The following VPS13A variants were observed in gnomAD, a reference collection of about 807,000 sequenced individuals.
VPS13A encodes intermembrane lipid transfer protein VPS13A.
A neutral mutation model predicts 390.9 loss-of-function variants in VPS13A; 264 were observed. The observed-to-expected ratio is 0.68, with a 90% CI of 0.61 to 0.75. The LOEUF is 0.75. Among genes scored for constraint, VPS13A ranks in the 30% least tolerant of loss-of-function variants. The pLI is 0.00. For synonymous variants in VPS13A, 1,231 were observed against 1,227.1 expected, an observed-to-expected ratio of 1.00 and a Z score of -0.07; for missense variants, 3,409 against 3,733.9, an observed-to-expected ratio of 0.91 and a Z score of 2.27.
At chr9:77,394,524 C>T (rs1834045035) in intron 68 of VPS13A, among the ~76,000 whole-genome samples, 1 of 152,124 alleles carries the variant, frequency 6.6e-6, no homozygotes, top group Non-Finnish European at 1.5e-5. Context: ...AGCAAAACAG[C>T]AAGACCATGT....
chr9:77,348,473 T>G (rs1831283732), intron 52 of VPS13A, among the ~76,000 whole-genome samples: 1 of 152,102 alleles, frequency 6.6e-6, no homozygotes, highest in Non-Finnish European at 1.5e-5. Flanking sequence ...GGGGGCATGG[T>G]GGCAGGGAGA....
chr9:77,306,632 T>C (rs1828769592), intron 34 of VPS13A, among the ~76,000 whole-genome samples: 2 of 152,050 alleles, frequency 1.3e-5, no homozygotes, highest in Non-Finnish European at 2.9e-5. Context: ...GAGGTCAGTC[T>C]TTTTTTATTG....
intron 1 of VPS13A, among the ~76,000 whole-genome samples, chr9:77,194,144 G>C (rs545726933): frequency 1.2e-4 from 18 of 152,214 alleles, no homozygotes; most frequent in African/African-American, 4.3e-4. Flanking sequence ...GGGAGGCTGT[G>C]GGTGACGGTG....
At chr9:77,237,876 G>A in intron 17 of VPS13A, 126 bp from the exon 18 acceptor site, 1 of 674,162 alleles carries the variant, frequency 1.5e-6, no homozygotes, top group Non-Finnish European at 2.6e-6. Flanking sequence ...CTTCTTTGAT[G>A]GGAATGGACT....
chr9:77,321,315 C>G lies in VPS13A; in HGVS notation c.5562C>G (p.Asn1854Lys). 2 of 1,605,866 alleles carry G rather than the reference C, an allele frequency of 1.2e-6. No homozygotes were observed. The highest frequency in any genetic ancestry group is 1.7e-6 in the Non-Finnish European group (2 of 1,174,462). Residue 1854 changes from asparagine (N) to lysine (K), a missense_variant, in exon 43 of 72, where the codon AAC (asparagine) becomes AAG (lysine). This residue lies in a region of VPS13A where 2,717 missense variants were observed against 2,917.4 expected (regional missense o/e 0.93). Transcript: ENST00000360280. ...TLSKCGLVML[N>K]NLVKAFTEAA... The stretch of plus-strand genomic sequence containing the variant: ...CCAAATGTGGTCTTGTAATGTTAAA[C>G]AATTTAGTCAAGGTAAGAAAAGAAA...
intron 1 of VPS13A, among the ~76,000 whole-genome samples, chr9:77,198,844 G>A (rs1026413148): frequency 6.6e-6 from 1 of 152,052 alleles, no homozygotes; most frequent in African/African-American, 2.4e-5. Context: ...TGTACTTTTA[G>A]TAGAGATGGG....
intron 71 of VPS13A, among the ~76,000 whole-genome samples, chr9:77,409,279 C>T (rs1388933498): frequency 6.6e-6 from 1 of 152,122 alleles, no homozygotes; most frequent in Non-Finnish European, 1.5e-5. Context: ...AAAGGACATC[C>T]ACACCAAAGC....
In VPS13A at chr9:77,327,633, A is replaced by ATATTAT. The variant is rs563581300; in HGVS notation, c.5992-4361_5992-4356dup. On this transcript the variant is annotated intron_variant, in intron 45 of 71. Coordinates refer to ENST00000360280, the MANE Select transcript of VPS13A (RefSeq NM_033305.3). Reference sequence around the variant, plus strand: ...AATATGAGTATTTGGAGGTTTTCTGATATTATTATTATTATTATTATATAT... The same window carrying ATATTAT: ...AATATGAGTATTTGGAGGTTTTCTGATATTATTATTATTATTATTATTATTATATAT... 2.7e-3 allele frequency among the ~76,000 whole-genome samples: 397 copies of ATATTAT among 149,648 alleles called. 1 individual carries two copies. The highest frequency in any genetic ancestry group is 4.6e-3 in the Non-Finnish European group (309 of 67,066).
At chr9:77,201,789 G>A (rs1183349295) in intron 3 of VPS13A, among the ~76,000 whole-genome samples, 1 of 152,046 alleles carries the variant, frequency 6.6e-6, no homozygotes, top group Non-Finnish European at 1.5e-5. Flanking sequence ...CTGTGACTAG[G>A]GGCCGATTTG....
intron 32 of VPS13A, 98 bp from the exon 33 acceptor site, chr9:77,295,444 G>T: frequency 1.8e-6 from 2 of 1,081,272 alleles, no homozygotes; most frequent in East Asian, 2.7e-5. Context: ...TCAAGTAAAA[G>T]TTTTTTTTTA....
At chr9:77,293,536 T>C (rs781285798) in intron 32 of VPS13A, 28 bp downstream of exon 32, 2 of 1,266,638 alleles carry the variant, frequency 1.6e-6, no homozygotes, top group Admixed American at 6.0e-5. Context: ...TTATTATTTA[T>C]TTTATACTAA....
intron 71 of VPS13A, among the ~76,000 whole-genome samples, chr9:77,411,203 A>T (rs1314255737): frequency 6.6e-6 from 1 of 152,168 alleles, no homozygotes; most frequent in Non-Finnish European, 1.5e-5. Context: ...GTACATAACG[A>T]AATGAAGGCA....
At chr9:77,358,288 A>C in intron 56 of VPS13A, 69 bp from the exon 57 acceptor site, 1 of 1,352,918 alleles carries the variant, frequency 7.4e-7, no homozygotes, top group South Asian at 1.2e-5. Flanking sequence ...TTTGTTCCTC[A>C]AATCCTGTTA....
chr9:77,200,110 C>G (rs912902372), intron 2 of VPS13A, 122 bp downstream of exon 2: 10 of 951,120 alleles, frequency 1.1e-5, no homozygotes, highest in Non-Finnish European at 1.6e-5. Context: ...ATAATTTTTG[C>G]AAAATGTAAA....
intron 7 of VPS13A, 79 bp from the exon 8 acceptor site, chr9:77,212,890 T>A (rs1826048997): frequency 1.4e-6 from 2 of 1,429,108 alleles, no homozygotes; most frequent in Admixed American, 3.4e-5. Flanking sequence ...TGGTCTAGGG[T>A]ATGGTAGATA....
At chr9:77,344,914 A>C (rs1831063882) in intron 51 of VPS13A, 95 bp from the exon 52 acceptor site, 1 of 1,400,916 alleles carries the variant, frequency 7.1e-7, no homozygotes, top group Non-Finnish European at 9.8e-7. Flanking sequence ...CAAAAATTAA[A>C]TTATCAAGTT....
intron 31 of VPS13A, among the ~76,000 whole-genome samples, chr9:77,286,098 A>G (rs1193717185): frequency 6.6e-6 from 1 of 152,214 alleles, no homozygotes; most frequent in Non-Finnish European, 1.5e-5. Flanking sequence ...TAGGAGGCAC[A>G]TAGTGTGTAG....
At chr9:77,322,902 T>C (rs960175674) in intron 44 of VPS13A, among the ~76,000 whole-genome samples, 165 bp from the exon 45 acceptor site, 1 of 152,098 alleles carries the variant, frequency 6.6e-6, no homozygotes, top group African/African-American at 2.4e-5. Context: ...TGTGGAAATA[T>C]ATGCTGGCTT....
intron 59 of VPS13A, among the ~76,000 whole-genome samples, chr9:77,364,481 G>A (rs1015302587): frequency 7.2e-5 from 11 of 152,048 alleles, no homozygotes; most frequent in African/African-American, 2.7e-4. Context: ...CCTCACAGTT[G>A]CACTCAACCA....
Sources: allele counts gnomAD v4.1 joint callset (sites outside exome capture counted in the v4.1 genomes callset), GRCh38; gene constraint gnomAD v4.1.1; regional missense constraint gnomAD v4.1.1; transcripts MANE v1.5; gene names NCBI Gene and HGNC (gene_info 2026-07-23, HGNC 2026-07-21).